STAU2: variants seen among roughly 807,000 people sequenced by gnomAD.
STAU2 encodes staufen double-stranded RNA binding protein 2.
STAU2 carries 20 observed loss-of-function variants against 65.9 expected under a neutral mutation model. The observed-to-expected ratio is 0.30, with a 90% confidence interval of 0.21 to 0.44. STAU2 has a LOEUF of 0.44. STAU2 is among the 20% of genes least tolerant of loss of function. The pLI is 1.00. For missense variants in STAU2, 558 were observed against 683.9 expected (o/e 0.82, Z 2.05); for synonymous variants, 232 against 233.9 (o/e 0.99, Z 0.07).
At position 73,671,594 on chromosome 8, in the gene STAU2, A is replaced by C. The variant is rs548417713; in HGVS notation, c.410+1513T>G. Among the ~76,000 whole-genome samples, 18 of 152,294 alleles carry C rather than the reference A, an allele frequency of 1.2e-4. No homozygotes were observed. The South Asian group carries it at 3.7e-3, about 32-fold the overall frequency. ...AATATAAGGAAGGAAATAATCAGTG[A>C]TGTGAACAAAGATTTACATAGTGAT... is the stretch of plus-strand genomic sequence containing the variant. On this transcript the variant is annotated intron_variant, in intron 6 of 14. Transcript: ENST00000524300.
intron 5 of STAU2, among the ~76,000 whole-genome samples, chr8:73,686,198 A>C (rs1033716573): frequency 8.5e-5 from 13 of 152,166 alleles, no homozygotes; most frequent in Admixed American, 2.0e-4. Context: ...ATGGATCACG[A>C]AGTCAGGAGA....
intron 13 of STAU2, among the ~76,000 whole-genome samples, chr8:73,547,086 G>A (rs1423311069): frequency 1.3e-5 from 2 of 152,128 alleles, no homozygotes; most frequent in Admixed American, 1.3e-4. Flanking sequence ...GTATCATGAT[G>A]GCTCATTTCA....
At chr8:73,507,400 C>A (rs1822129894) in intron 13 of STAU2, among the ~76,000 whole-genome samples, 1 of 150,480 alleles carries the variant, frequency 6.6e-6, no homozygotes, top group South Asian at 2.1e-4. Context: ...ACCAGGTACA[C>A]TGTCAATGAG....
intron 5 of STAU2, among the ~76,000 whole-genome samples, chr8:73,682,388 A>G (rs13281848): frequency 0.92 from 138,689 of 151,160 alleles, 63,809 homozygotes; most frequent in East Asian, 0.97. Context: ...TTGGGTCAAC[A>G]ATGAAATCAA....
intron 9 of STAU2, among the ~76,000 whole-genome samples, chr8:73,610,124 C>T (rs989048115): frequency 8.6e-5 from 13 of 151,750 alleles, no homozygotes; most frequent in Admixed American, 7.9e-4. Flanking sequence ...ACAAAAAATA[C>T]AAAAAATTAG....
At chr8:73,667,445 T>G (rs1817320219) in intron 6 of STAU2, among the ~76,000 whole-genome samples, 1 of 152,164 alleles carries the variant, frequency 6.6e-6, no homozygotes, top group South Asian at 2.1e-4. Context: ...TCTAAGTCCA[T>G]GAATGAACTA....
At chr8:73,561,439 T>A in intron 12 of STAU2, 2 of 430,750 alleles carry the variant, frequency 4.6e-6, no homozygotes, top group Middle Eastern at 8.1e-4. Flanking sequence ...CATCTTCAAT[T>A]TTTAGTTTAT....
intron 6 of STAU2, among the ~76,000 whole-genome samples, chr8:73,636,447 T>C (rs1033148521): frequency 1.3e-4 from 19 of 151,904 alleles, no homozygotes; most frequent in Admixed American, 7.9e-4. Context: ...AACATATAAT[T>C]TTACAATGTC....
chr8:73,665,359 A>G (rs1019328407), intron 6 of STAU2, among the ~76,000 whole-genome samples: 3 of 152,232 alleles, frequency 2.0e-5, no homozygotes, highest in Admixed American at 6.5e-5. Context: ...AGAGAAAAGA[A>G]TATATTCCCC....
chr8:73,535,305 G>A (rs531422400), intron 13 of STAU2, among the ~76,000 whole-genome samples: 2 of 152,142 alleles, frequency 1.3e-5, no homozygotes, highest in African/African-American at 4.8e-5. Context: ...AAGTAACTGG[G>A]ACTACAGGCG....
rs1343765574 is a variant in STAU2, at chr8:73,530,573, G to A, written c.1530+21439C>T. Reference sequence around the variant, plus strand: ...GGGGAGGCTGACATATCACTCCCTGGTGGGAGGCTTGCTGAGAACTGAAAC... The same window carrying A: ...GGGGAGGCTGACATATCACTCCCTGATGGGAGGCTTGCTGAGAACTGAAAC... On this transcript the variant is annotated intron_variant, in intron 13 of 14. Transcript: ENST00000524300. 5.3e-5 allele frequency among the ~76,000 whole-genome samples: 8 copies of A among 152,206 alleles called. No homozygotes were observed. In the South Asian group the frequency reaches 8.3e-4, roughly 16 times the overall value.
At chr8:73,585,924 G>A (rs1234610735) in intron 11 of STAU2, among the ~76,000 whole-genome samples, 2 of 152,114 alleles carry the variant, frequency 1.3e-5, no homozygotes, top group African/African-American at 2.4e-5. Flanking sequence ...CTTTATAAGG[G>A]GTTTCCCCTT....
chr8:73,605,070 A>G (rs1284314501), intron 9 of STAU2, among the ~76,000 whole-genome samples: 1 of 152,212 alleles, frequency 6.6e-6, no homozygotes, highest in African/African-American at 2.4e-5. Flanking sequence ...GGTATATAGC[A>G]GTGAAAATGA....
intron 6 of STAU2, among the ~76,000 whole-genome samples, chr8:73,671,389 CAAACAAACAAAAAA>C (rs1817659400): frequency 1.4e-5 from 2 of 144,550 alleles, no homozygotes; most frequent in South Asian, 4.5e-4. Flanking sequence ...AAAAAACAAA[CAAACAAACAAAAAA>C]AAACAAAAAA....
intron 6 of STAU2, among the ~76,000 whole-genome samples, chr8:73,649,686 A>G (rs1174842758): frequency 6.6e-6 from 1 of 151,682 alleles, no homozygotes; most frequent in African/African-American, 2.4e-5. Flanking sequence ...TCATATTAAA[A>G]TGTACTATGA....
chr8:73,617,156 T>C, intron 7 of STAU2, 136 bp downstream of exon 7: 2 of 1,074,580 alleles, frequency 1.9e-6, no homozygotes, highest in Non-Finnish European at 2.5e-6. Flanking sequence ...CAGGAACACA[T>C]GAAGCAAGAC....
chr8:73,602,451 G>A (rs1811702957), intron 10 of STAU2, among the ~76,000 whole-genome samples: 2 of 152,206 alleles, frequency 1.3e-5, no homozygotes, highest in Non-Finnish European at 2.9e-5. Flanking sequence ...GCTCACGCCT[G>A]TAATCCTAAC....
intron 11 of STAU2, among the ~76,000 whole-genome samples, chr8:73,592,685 C>T (rs780439697): frequency 2.0e-5 from 3 of 152,078 alleles, no homozygotes; most frequent in African/African-American, 7.2e-5. Flanking sequence ...AAGGTGAAAC[C>T]GCTTCTTTAC....
chr8:73,675,290 AGTG>A (rs1757010599), intron 5 of STAU2, among the ~76,000 whole-genome samples: 1 of 151,864 alleles, frequency 6.6e-6, no homozygotes, highest in African/African-American at 2.4e-5. Context: ...ATACAGAAAA[AGTG>A]GTGCTAAGAG....
Sources: gnomAD v4.1 joint callset for allele counts (sites outside exome capture counted in the v4.1 genomes callset) on GRCh38, gnomAD v4.1.1 for gene constraint, MANE v1.5 for transcripts, NCBI Gene and HGNC (gene_info 2026-07-23, HGNC 2026-07-21) for gene names.